PTGES2: variants seen among roughly 807,000 people sequenced by gnomAD.
The protein encoded by PTGES2 is GATE-binding factor 1.
PTGES2 carries 35 observed loss-of-function variants against 44.5 expected under a neutral mutation model. The observed-to-expected ratio is 0.79, with a 90% confidence interval of 0.60 to 1.04. The LOEUF is 1.04. PTGES2 is among the 50% of genes least tolerant of loss of function. The pLI, the probability that PTGES2 is intolerant of heterozygous loss-of-function variation, is 0.00. For missense variants in PTGES2, 517 were observed against 521.4 expected, an observed-to-expected ratio of 0.99 and a Z score of 0.08; for synonymous variants, 221 against 227.5, an observed-to-expected ratio of 0.97 and a Z score of 0.26.
In PTGES2 at chr9:128,120,928, G is replaced by C. The variant is rs1461555014; in HGVS notation, c.*217C>G. On this transcript the variant is annotated 3_prime_UTR_variant, in exon 7 of 7. Coordinates refer to ENST00000338961, the MANE Select transcript of PTGES2 (RefSeq NM_025072.7). ...GAGCAGGGAGGCAGGGACAGGGAGG[G>C]GTCGCCCCAGGGCAGTGGCAGGGCT... The C allele has an allele frequency of 6.9e-6, 4 of 582,102 alleles. No individual in the cohort carries two copies. Among genetic ancestry groups the C allele is most frequent in the Non-Finnish European group, 1.2e-5 (4 of 339,250 alleles). The allele number at this position is 582,102 out of a possible 1,614,324, so 36.1% of individuals were successfully genotyped here.
chr9:128,124,602 G>A (rs574023596), intron 2 of PTGES2, 52 bp from the exon 3 acceptor site: 2 of 1,539,438 alleles, frequency 1.3e-6, no homozygotes, highest in African/African-American at 2.7e-5. Flanking sequence ...GCCGCTGGGA[G>A]TCACCAGGGG....
chr9:128,126,414 A>T (rs1235739858), intron 1 of PTGES2, among the ~76,000 whole-genome samples: 1 of 152,162 alleles, frequency 6.6e-6, no homozygotes, highest in Non-Finnish European at 1.5e-5. Context: ...AGTCTAAGTC[A>T]TCAGTTCCAT....
chr9:128,122,243 A>C (rs1834437234), intron 6 of PTGES2, 119 bp downstream of exon 6: 1 of 771,518 alleles, frequency 1.3e-6, no homozygotes, highest in African/African-American at 1.7e-5. Flanking sequence ...CCGTGATGGC[A>C]GAGAGAGGCA....
At chr9:128,125,863 C>A (rs1834599897) in intron 1 of PTGES2, among the ~76,000 whole-genome samples, 1 of 152,208 alleles carries the variant, frequency 6.6e-6, no homozygotes, top group Non-Finnish European at 1.5e-5. Context: ...AGCTGGGCTA[C>A]CACCCAGGCT....
In PTGES2 at chr9:128,121,041, A is replaced by G; in HGVS notation, c.*104T>C. The stretch of plus-strand genomic sequence containing the variant: ...GTGGGGGTGCGTGGACAAGGGGCAG[A>G]ATGATCCTGCCCCCAACCAGTATCG... On this transcript the variant is annotated 3_prime_UTR_variant, in exon 7 of 7. Coordinates refer to ENST00000338961, the MANE Select transcript of PTGES2 (RefSeq NM_025072.7). The G allele has an allele frequency of 1.4e-6, 2 of 1,416,920 alleles. No individual in the cohort carries two copies. The highest frequency in any genetic ancestry group is 1.9e-6 in the Non-Finnish European group (2 of 1,043,442). The allele number at this position is 1,416,920 out of a possible 1,614,324, so 87.8% of individuals were successfully genotyped here.
chr9:128,128,054 C>G, upstream of PTGES2: 2 of 383,506 alleles, frequency 5.2e-6, no homozygotes. Context: ...GTAACACGTA[C>G]TTGCCCACCT....
chr9:128,122,240 G>A, intron 6 of PTGES2, 122 bp downstream of exon 6: 1 of 758,276 alleles, frequency 1.3e-6, no homozygotes, highest in Non-Finnish European at 2.3e-6. Flanking sequence ...TGTCCGTGAT[G>A]GCAGAGAGAG....
At chr9:128,124,906 G>GAAGC (rs991432799) in intron 2 of PTGES2, 5 of 1,250,436 alleles carry the variant, frequency 4.0e-6, no homozygotes, top group African/African-American at 3.0e-5. Flanking sequence ...GTTGACTCAT[G>GAAGC]AAGCAAGCAA....
Position 128,125,314 on chromosome 9 carries a change from C to T in PTGES2, c.407G>A (p.Arg136His), listed in dbSNP as rs760101270. 14 of 1,613,914 alleles carry T rather than the reference C, an allele frequency of 8.7e-6. No homozygotes were observed. Among genetic ancestry groups the T allele is most frequent in the South Asian group, 6.6e-5 (6 of 91,058 alleles). The change falls in exon 2 of 7, where the codon CGC (arginine) becomes CAC (histidine). Residue 136 changes from arginine to histidine, a missense_variant. Coordinates refer to ENST00000338961, the MANE Select transcript of PTGES2 (RefSeq NM_025072.7). ...GGAGGAGAACTTGATCTCAGCCCTG[C>T]GCACAGGGTTCACCTCCACCACCTG... is the stretch of plus-strand genomic sequence containing the variant. ...PYQVVEVNPVRRAEIKFSSYR... is the reference protein window; with the variant it reads ...PYQVVEVNPVHRAEIKFSSYR...
intron 6 of PTGES2, among the ~76,000 whole-genome samples, chr9:128,121,650 C>T (rs577421931): frequency 2.2e-4 from 34 of 152,304 alleles, no homozygotes; most frequent in African/African-American, 7.5e-4. Flanking sequence ...CGCTGGCTCA[C>T]GCCTGTAGTC....
At chr9:128,122,590 A>C in intron 5 of PTGES2, 111 bp from the exon 6 acceptor site, 3 of 862,170 alleles carry the variant, frequency 3.5e-6, no homozygotes, top group Non-Finnish European at 5.6e-6. Context: ...ACGGCACCCC[A>C]GGTGAGAGCA....
intron 2 of PTGES2, among the ~76,000 whole-genome samples, chr9:128,125,034 C>T (rs1478698917): frequency 6.6e-6 from 1 of 152,230 alleles, no homozygotes; most frequent in Non-Finnish European, 1.5e-5. Flanking sequence ...TGTTCTGCCT[C>T]CCTGAGACCC....
At position 128,122,544 on chromosome 9, in the gene PTGES2, C is replaced by G. The variant is rs977303281; in HGVS notation, c.888-65G>C. 4.5e-5 allele frequency: 64 copies of G among 1,416,050 alleles called. No homozygotes were observed. In the South Asian group the frequency reaches 7.0e-4, roughly 16 times the overall value. 87.7% of individuals were successfully genotyped at this position (1,416,050 alleles called of 1,614,324 possible). A position where few individuals can be genotyped will look rare whatever the true frequency, so the allele number is the denominator to read the frequency against. On this transcript the variant is annotated intron_variant, in intron 5 of 6. Coordinates refer to ENST00000338961, the MANE Select transcript of PTGES2 (RefSeq NM_025072.7). ...CTCCCAGCCCAGCAGGGAAGAGGGTCTCCTCTGGGGAGAGGGGGGAGGTGT... is the reference window on the plus strand; with the variant it reads ...CTCCCAGCCCAGCAGGGAAGAGGGTGTCCTCTGGGGAGAGGGGGGAGGTGT...
chr9:128,127,814 G>T, upstream of PTGES2: 2 of 1,141,450 alleles, frequency 1.8e-6, no homozygotes, highest in Non-Finnish European at 2.2e-6. Flanking sequence ...CCGCGGGTTG[G>T]CCGGGGTGAG....
In PTGES2 at chr9:128,127,496, G is replaced by A; in HGVS notation, c.222C>T (p.His74=). ...GGGCGCGCAGGTGCCACCGCGCCGT[G>A]TGGTACAGCCCCAGGGCTCCCCCCA... ...LALGGALGLY[H]TARWHLRAQD... The change falls in exon 1 of 7, where the codon CAC becomes CAT. Residue 74 remains histidine (H), a synonymous_variant. Transcript: ENST00000338961. The A allele has an allele frequency of 1.4e-6, 2 of 1,397,702 alleles. No individual in the cohort carries two copies. Among genetic ancestry groups the A allele is most frequent in the South Asian group, 3.2e-5 (2 of 61,940 alleles). The allele number at this position is 1,397,702 out of a possible 1,614,324, so 86.6% of individuals were successfully genotyped here.
intron 5 of PTGES2, 100 bp from the exon 6 acceptor site, chr9:128,122,579 G>A (rs1453451003): frequency 5.1e-6 from 5 of 984,334 alleles, no homozygotes; most frequent in Non-Finnish European, 7.9e-6. Context: ...TGGAAGCCAG[G>A]ACGGCACCCC....
rs763899980 is a variant in PTGES2 at position 128,122,993 on chromosome 9, G to A, written c.828C>T (p.Ala276=). The change falls in exon 5 of 7, where the codon GCC becomes GCT. Residue 276 remains alanine, a synonymous_variant. Coordinates refer to ENST00000338961, the MANE Select transcript of PTGES2 (RefSeq NM_025072.7). ...REGKFGAVEG[A]VAKYMGAAAM... is the part of the protein sequence containing the mutation. Reference sequence around the variant, plus strand: ...CCGCTGCACCCATGTACTTGGCCACGGCACCCTCCACGGCTCCGAACTTGC... The same window carrying A: ...CCGCTGCACCCATGTACTTGGCCACAGCACCCTCCACGGCTCCGAACTTGC... The A allele has an allele frequency of 4.3e-6, 7 of 1,613,836 alleles. No individual in the cohort carries two copies. The South Asian group carries it at 4.4e-5, about 10-fold the overall frequency.
rs774060903 is a variant in PTGES2, at chr9:128,127,425, G to A, written c.279+14C>T. 8.9e-6 allele frequency: 12 copies of A among 1,343,248 alleles called. No individual in the cohort carries two copies. The highest frequency in any genetic ancestry group is 2.1e-5 in the South Asian group (1 of 48,294). The allele number at this position is 1,343,248 out of a possible 1,614,324, so 83.2% of individuals were successfully genotyped here. ...CTGATCAGCATCCCCATCCCCGGCCGGGCCAGGCCTTACCTGCGCGGCTGA... is the reference window on the plus strand; with the variant it reads ...CTGATCAGCATCCCCATCCCCGGCCAGGCCAGGCCTTACCTGCGCGGCTGA... On this transcript the variant is annotated intron_variant, in intron 1 of 6. Coordinates refer to ENST00000338961, the MANE Select transcript of PTGES2 (RefSeq NM_025072.7).
Position 128,125,282 on chromosome 9 carries a change from T to C in PTGES2, c.439A>G (p.Lys147Glu). 4 of 1,609,408 alleles carry C rather than the reference T, an allele frequency of 2.5e-6. No individual in the cohort carries two copies. The highest frequency in any genetic ancestry group is 3.4e-6 in the Non-Finnish European group (4 of 1,177,786). The change falls in exon 2 of 7, where the codon AAG becomes GAG. Residue 147 changes from lysine to glutamate, a missense_variant. Transcript: ENST00000338961. ...RAEIKFSSYRKVPILVAQEGE... is the reference protein window; with the variant it reads ...RAEIKFSSYREVPILVAQEGE... ...TCCTGGGCCACCAGGATGGGCACCT[T>C]TCTGTAGGAGGAGAACTTGATCTCA...
Sources: allele counts gnomAD v4.1 joint callset (sites outside exome capture counted in the v4.1 genomes callset), GRCh38; gene constraint gnomAD v4.1.1; transcripts MANE v1.5; gene names NCBI Gene and HGNC (gene_info 2026-07-23, HGNC 2026-07-21).